ADIPOR2: variants seen among roughly 807,000 people sequenced by gnomAD.
ADIPOR2 encodes adiponectin receptor protein 2.
A neutral mutation model predicts 40.9 loss-of-function variants in ADIPOR2; 18 were observed. The ratio of observed to expected loss-of-function variants is 0.44; its 90% CI spans 0.30 to 0.65. The LOEUF (loss-of-function observed/expected upper bound fraction) is 0.65, where lower values mean the gene tolerates loss of function less well. ADIPOR2 is among the 30% of genes least tolerant of loss of function. The probability of loss-of-function intolerance (pLI) is 0.09; values close to 1 mark genes in which losing one functional copy is unlikely to be tolerated. For synonymous variants in ADIPOR2, 165 were observed against 166.4 expected (o/e 0.99, Z 0.06); for missense variants, 283 against 479.2 (o/e 0.59, Z 3.82).
chr12:1,731,890 C>T (rs905276807), intron 1 of ADIPOR2, among the ~76,000 whole-genome samples: 9 of 152,116 alleles, frequency 5.9e-5, no homozygotes, highest in Admixed American at 4.6e-4. Flanking sequence ...CGGGAACCCG[C>T]GGGGCAGAGG....
intron 2 of ADIPOR2, among the ~76,000 whole-genome samples, chr12:1,771,153 TAC>T (rs1486704049): frequency 2.6e-5 from 4 of 151,980 alleles, no homozygotes; most frequent in African/African-American, 7.3e-5. Flanking sequence ...ACCTCGTCTC[TAC>T]ACACACGCAT....
intron 1 of ADIPOR2, among the ~76,000 whole-genome samples, chr12:1,723,177 CAT>C (rs1187451737): frequency 3.3e-5 from 5 of 152,128 alleles, no homozygotes; most frequent in African/African-American, 1.2e-4. Flanking sequence ...TTGTTAAAGA[CAT>C]AGAACCTGTC....
chr12:1,752,140 A>T (rs1449019788), intron 1 of ADIPOR2, among the ~76,000 whole-genome samples: 1 of 149,140 alleles, frequency 6.7e-6, no homozygotes, highest in Non-Finnish European at 1.5e-5. Context: ...CATGTTGGCC[A>T]GGATGGTCTA....
chr12:1,694,114 C>G (rs1478740399), intron 1 of ADIPOR2, among the ~76,000 whole-genome samples: 1 of 152,102 alleles, frequency 6.6e-6, no homozygotes, highest in Admixed American at 6.5e-5. Flanking sequence ...TGAGTGTATA[C>G]TATGATTTCT....
rs1862873367 is a variant in ADIPOR2, at chr12:1,787,967, A to G, written c.*1895A>G. 6.5e-6 allele frequency: 1 copy of G among 152,720 alleles called. No homozygotes were observed. The highest frequency in any genetic ancestry group is 2.4e-5 in the African/African-American group (1 of 41,460). The allele number at this position is 152,720 out of a possible 1,614,324, so 9.5% of individuals were successfully genotyped here. On this transcript the variant is annotated 3_prime_UTR_variant, in exon 8 of 8. Transcript: ENST00000357103. ...AGTGCCTGACAGAATAAAGAACAGTATTAATCCCTTTGAGAAAGCATAGTC... is the reference window on the plus strand; with the variant it reads ...AGTGCCTGACAGAATAAAGAACAGTGTTAATCCCTTTGAGAAAGCATAGTC...
intron 1 of ADIPOR2, among the ~76,000 whole-genome samples, chr12:1,741,436 G>C (rs900892424): frequency 6.6e-6 from 1 of 152,134 alleles, no homozygotes; most frequent in African/African-American, 2.4e-5. Flanking sequence ...TAAGTATGGG[G>C]GCTTAGGAAG....
At chr12:1,747,403 T>C (rs1167671652) in intron 1 of ADIPOR2, among the ~76,000 whole-genome samples, 2 of 135,414 alleles carry the variant, frequency 1.5e-5, no homozygotes, top group African/African-American at 5.3e-5. Flanking sequence ...AAACACAGCA[T>C]ACCAAAACTT....
chr12:1,711,844 T>A (rs1467026541), intron 1 of ADIPOR2, among the ~76,000 whole-genome samples: 2 of 152,196 alleles, frequency 1.3e-5, no homozygotes, highest in East Asian at 3.8e-4. Flanking sequence ...CTGTGTGCAA[T>A]AACTCCGTGA....
intron 1 of ADIPOR2, among the ~76,000 whole-genome samples, chr12:1,715,757 T>C (rs2154441908): frequency 6.6e-6 from 1 of 152,234 alleles, no homozygotes. Flanking sequence ...TTTGATATCT[T>C]ACAAGAGGAT....
chr12:1,703,044 A>G (rs1424162954), intron 1 of ADIPOR2: 1 of 152,254 alleles, frequency 6.6e-6, no homozygotes, highest in African/African-American at 2.4e-5. Context: ...AGGAACTCTC[A>G]TATAAAGTCT....
intron 1 of ADIPOR2, among the ~76,000 whole-genome samples, chr12:1,748,566 C>T (rs1239422030): frequency 2.0e-5 from 3 of 151,908 alleles, no homozygotes; most frequent in African/African-American, 7.3e-5. Context: ...ACATTTAAGT[C>T]TATGATCCAT....
intron 1 of ADIPOR2, among the ~76,000 whole-genome samples, chr12:1,695,643 A>G (rs1458533044): frequency 6.8e-6 from 1 of 147,776 alleles, no homozygotes; most frequent in Non-Finnish European, 1.5e-5. Flanking sequence ...AGCCTGGGCA[A>G]CAGGAGCAAA....
At chr12:1,758,105 T>C (rs1862183546) in intron 2 of ADIPOR2, 1 of 556,234 alleles carries the variant, frequency 1.8e-6, no homozygotes, top group African/African-American at 1.9e-5. Context: ...AATTGATTTT[T>C]TTATGTGTTG....
intron 1 of ADIPOR2, among the ~76,000 whole-genome samples, chr12:1,695,011 G>GTTTTTTTTTTTTTTTTTTTTTTGT (rs199627849): frequency 7.8e-6 from 1 of 128,312 alleles, no homozygotes; most frequent in South Asian, 2.6e-4. Flanking sequence ...TTGTGTTGCA[G>GTTTTTTTTTTTTTTTTTTTTTTGT]TTTTTTTTTT....
chr12:1,774,679 T>G (rs1049524586), intron 3 of ADIPOR2, among the ~76,000 whole-genome samples: 1 of 152,216 alleles, frequency 6.6e-6, no homozygotes, highest in African/African-American at 2.4e-5. Context: ...CATGTGGGAA[T>G]AGGATGTATG....
At chr12:1,761,762 AATCTAAGCCACCACCATCTTCC>A (rs1862274357) in intron 2 of ADIPOR2, among the ~76,000 whole-genome samples, 1 of 152,170 alleles carries the variant, frequency 6.6e-6, no homozygotes, top group Non-Finnish European at 1.5e-5. Context: ...CCATTACTTT[AATCTAAGCCACCACCATCTTCC>A]ATCTGGAATA....
chr12:1,752,890 A>G (rs1051178255), intron 1 of ADIPOR2, among the ~76,000 whole-genome samples: 3 of 152,242 alleles, frequency 2.0e-5, no homozygotes, highest in African/African-American at 7.2e-5. Context: ...ATGGGCATTA[A>G]TAACATAATT....
rs1413461602 is a variant in ADIPOR2 at position 1,786,060 on chromosome 12, G to C, written c.1149G>C (p.Glu383Asp). 2 of 1,613,892 alleles carry C rather than the reference G, an allele frequency of 1.2e-6. No homozygotes were observed. The highest frequency in any genetic ancestry group is 1.1e-5 in the South Asian group (1 of 91,066). The change falls in exon 8 of 8, where the codon GAG becomes GAC. Residue 383 changes from glutamate to aspartate, a missense_variant. Transcript: ENST00000357103. ...TGATCGGCGGGGGCTGCAGTGAAGAGGATGCACTGTGATACCTACCAGTCT... is the reference window on the plus strand; with the variant it reads ...TGATCGGCGGGGGCTGCAGTGAAGACGATGCACTGTGATACCTACCAGTCT... ...RFMIGGGCSE[E>D]DAL
chr12:1,738,910 T>C (rs1206385550), intron 1 of ADIPOR2, among the ~76,000 whole-genome samples: 6 of 152,204 alleles, frequency 3.9e-5, no homozygotes, highest in African/African-American at 1.4e-4. Flanking sequence ...CAACAAAAAG[T>C]CTGTTAAACG....
Sources: gnomAD v4.1 joint callset for allele counts (sites outside exome capture counted in the v4.1 genomes callset) on GRCh38, gnomAD v4.1.1 for gene constraint, MANE v1.5 for transcripts, NCBI Gene and HGNC (gene_info 2026-07-23, HGNC 2026-07-21) for gene names.